The following CSRNP3 variants were observed in gnomAD, a reference collection of about 807,000 sequenced individuals.
CSRNP3 encodes the protein cysteine and serine rich nuclear protein 3, also known as cysteine/serine-rich nuclear protein 3.
CSRNP3 carries 12 observed loss-of-function variants against 48.0 expected under a neutral mutation model. The ratio of observed to expected loss-of-function variants is 0.25; its 90% CI spans 0.16 to 0.41. The LOEUF is 0.41. Ranked by LOEUF, CSRNP3 falls within the 10% of genes least tolerant of loss-of-function variation. CSRNP3 has a pLI of 1.00. For synonymous variants in CSRNP3, 263 were observed against 269.7 expected (o/e 0.98, Z 0.24); for missense variants, 580 against 724.4 (o/e 0.80, Z 2.29).
intron 1 of CSRNP3, among the ~76,000 whole-genome samples, chr2:165,480,958 G>A (rs1330354222): frequency 2.0e-5 from 3 of 149,796 alleles, no homozygotes; most frequent in East Asian, 1.9e-4. Flanking sequence ...AAACCAGTCT[G>A]GACAACATAG....
chr2:165,666,483 G>GGA (rs796614156), intron 5 of CSRNP3, among the ~76,000 whole-genome samples: 15 of 43,528 alleles, frequency 3.4e-4, no homozygotes, highest in African/African-American at 8.8e-4. Flanking sequence ...GAAAGACAGA[G>GGA]AGGAAGGAAG....
At chr2:165,529,043 C>T (rs1158958272) in intron 3 of CSRNP3, among the ~76,000 whole-genome samples, 1 of 145,734 alleles carries the variant, frequency 6.9e-6, no homozygotes. Context: ...CCCAGGGGTC[C>T]CTGCATTCTT....
chr2:165,494,432 A>G (rs1684259312), intron 1 of CSRNP3, among the ~76,000 whole-genome samples: 1 of 152,072 alleles, frequency 6.6e-6, no homozygotes, highest in African/African-American at 2.4e-5. Context: ...ACAACACACG[A>G]TTTACTAGAA....
intron 5 of CSRNP3, among the ~76,000 whole-genome samples, chr2:165,663,454 C>A (rs527370967): frequency 6.6e-6 from 1 of 152,266 alleles, no homozygotes; most frequent in Non-Finnish European, 1.5e-5. Context: ...CCTGCTCTGT[C>A]ACATACACAA....
At chr2:165,655,397 T>C (rs548653343) in intron 4 of CSRNP3, among the ~76,000 whole-genome samples, 1 of 152,322 alleles carries the variant, frequency 6.6e-6, no homozygotes, top group South Asian at 2.1e-4. Flanking sequence ...AATTGGGACA[T>C]GAGTAATATC....
At chr2:165,532,995 A>G (rs191652734) in intron 3 of CSRNP3, among the ~76,000 whole-genome samples, 1 of 152,112 alleles carries the variant, frequency 6.6e-6, no homozygotes, top group Non-Finnish European at 1.5e-5. Flanking sequence ...TAGGAATCCA[A>G]CTTACAAGGG....
chr2:165,518,340 T>C (rs72877713), intron 3 of CSRNP3, among the ~76,000 whole-genome samples: 26,854 of 151,918 alleles, frequency 0.18, 2,572 homozygotes, highest in Non-Finnish European at 0.2. Context: ...CACATATACA[T>C]GTAGTTTAGA....
At chr2:165,552,599 T>C (rs1356867160) in intron 3 of CSRNP3, among the ~76,000 whole-genome samples, 1 of 152,198 alleles carries the variant, frequency 6.6e-6, no homozygotes, top group Non-Finnish European at 1.5e-5. Flanking sequence ...TAAACAGTCA[T>C]CCTGAGACCC....
At chr2:165,554,020 T>C (rs1027342346) in intron 3 of CSRNP3, among the ~76,000 whole-genome samples, 8 of 152,340 alleles carry the variant, frequency 5.3e-5, no homozygotes, top group African/African-American at 1.9e-4. Flanking sequence ...CAAAACTGCT[T>C]GTGAAGATCA....
At chr2:165,520,783 TTATATATA>T (rs869287628) in intron 3 of CSRNP3, among the ~76,000 whole-genome samples, 14 of 29,696 alleles carry the variant, frequency 4.7e-4, no homozygotes, top group Admixed American at 1.9e-3. Context: ...TATATATATA[TTATATATA>T]TATATATATA....
intron 4 of CSRNP3, among the ~76,000 whole-genome samples, chr2:165,599,694 A>G (rs1036956392): frequency 6.6e-6 from 1 of 152,182 alleles, no homozygotes; most frequent in Non-Finnish European, 1.5e-5. Flanking sequence ...TTGATATACA[A>G]ATTTTTAGGA....
Position 165,544,548 on chromosome 2 carries a change from T to C in CSRNP3, c.-24+26587T>C, listed in dbSNP as rs79485424. 7.8e-4 allele frequency among the ~76,000 whole-genome samples: 115 copies of C among 148,112 alleles called. 1 individual carries two copies. The highest frequency in any genetic ancestry group is 2.2e-3 in the African/African-American group (84 of 37,688). ...TGTAAAAGAGAAAAAATGTAGGAGA[T>C]CTTTTCAGGAGGCTTGGACCAGAGT... On this transcript the variant is annotated intron_variant, in intron 3 of 6. Transcript: ENST00000651982.
chr2:165,538,186 C>G (rs1684906434), intron 3 of CSRNP3, among the ~76,000 whole-genome samples: 1 of 151,920 alleles, frequency 6.6e-6, no homozygotes, highest in Non-Finnish European at 1.5e-5. Flanking sequence ...AAAAATACCC[C>G]TGAGAGAAAT....
At chr2:165,666,070 GA>G (rs1379407497) in intron 5 of CSRNP3, among the ~76,000 whole-genome samples, 2 of 38,370 alleles carry the variant, frequency 5.2e-5, no homozygotes, top group Admixed American at 2.7e-4. Context: ...AAGAAAGAAA[GA>G]GAGAGAGAGA....
intron 3 of CSRNP3, among the ~76,000 whole-genome samples, chr2:165,541,318 C>T (rs1394709398): frequency 1.3e-5 from 2 of 151,710 alleles, no homozygotes; most frequent in East Asian, 3.9e-4. Flanking sequence ...AAGGAAAGAC[C>T]CTTTTGTTTT....
rs149240513 is a variant in CSRNP3, at chr2:165,654,461, A to G, written c.149-3300A>G. ...TTCTGGCAATATCTTCTGGAGAAGC[A>G]AAACAATGGAGAAGAGGAAAGTTGA... On this transcript the variant is annotated intron_variant, in intron 4 of 6. Coordinates refer to ENST00000651982, the MANE Select transcript of CSRNP3 (RefSeq NM_001172173.2). Among the ~76,000 whole-genome samples the G allele has an allele frequency of 3.7e-3, 564 of 152,276 alleles. 3 individuals are homozygous for G. Among genetic ancestry groups the G allele is most frequent in the African/African-American group, 0.013 (528 of 41,560 alleles).
At chr2:165,536,104 A>G (rs1684878380) in intron 3 of CSRNP3, among the ~76,000 whole-genome samples, 1 of 151,980 alleles carries the variant, frequency 6.6e-6, no homozygotes, top group Admixed American at 6.6e-5. Context: ...CTATATGCAC[A>G]TTTGTGTGCC....
chr2:165,544,586 G>A (rs575371507), intron 3 of CSRNP3, among the ~76,000 whole-genome samples: 60 of 151,362 alleles, frequency 4.0e-4, no homozygotes, highest in Non-Finnish European at 7.2e-4. Context: ...GAGAGTAGAG[G>A]AGAAGGAAAT....
intron 3 of CSRNP3, among the ~76,000 whole-genome samples, chr2:165,592,566 G>A (rs572844709): frequency 6.6e-6 from 1 of 152,234 alleles, no homozygotes; most frequent in Admixed American, 6.5e-5. Flanking sequence ...TGACATGGGA[G>A]GGATGTGTTG....
Sources: allele counts gnomAD v4.1 joint callset (sites outside exome capture counted in the v4.1 genomes callset), GRCh38; gene constraint gnomAD v4.1.1; transcripts MANE v1.5; gene names NCBI Gene and HGNC (gene_info 2026-07-23, HGNC 2026-07-21).